The following TAFA4 variants were observed in gnomAD, a reference collection of about 807,000 sequenced individuals.
TAFA4 encodes TAFA chemokine like family member 4.
In TAFA4, 20 loss-of-function variants were observed where a neutral mutation model predicts 21.1. The ratio of observed to expected loss-of-function variants is 0.95; its 90% CI spans 0.67 to 1.38. TAFA4 has a LOEUF of 1.38. Among genes scored for constraint, TAFA4 ranks in the 40% most tolerant of loss-of-function variants. TAFA4 has a pLI of 0.00. For synonymous variants in TAFA4, 71 were observed against 67.4 expected (o/e 1.05, Z -0.26); for missense variants, 211 against 180.9 (o/e 1.17, Z -0.95).
chr3:68,780,242 C>T (rs571687425), intron 3 of TAFA4, among the ~76,000 whole-genome samples: 2 of 152,184 alleles, frequency 1.3e-5, no homozygotes, highest in African/African-American at 2.4e-5. Context: ...AAAGGACTTG[C>T]CTTGTCTCAG....
chr3:68,887,029 G>A (rs1247042885), intron 1 of TAFA4, among the ~76,000 whole-genome samples: 1 of 152,122 alleles, frequency 6.6e-6, no homozygotes, highest in East Asian at 1.9e-4. Flanking sequence ...AGTGTCCAGA[G>A]TTCCATCTAA....
intron 3 of TAFA4, among the ~76,000 whole-genome samples, chr3:68,766,614 G>T (rs916295391): frequency 6.6e-6 from 1 of 150,458 alleles, no homozygotes; most frequent in South Asian, 2.1e-4. Flanking sequence ...AAAGCAAACA[G>T]AAAATACTTA....
intron 3 of TAFA4, among the ~76,000 whole-genome samples, chr3:68,839,896 G>A (rs1704619421): frequency 6.6e-6 from 1 of 152,188 alleles, no homozygotes; most frequent in Admixed American, 6.5e-5. Context: ...AGGAAAATGG[G>A]AGAGACCCTT....
intron 3 of TAFA4, among the ~76,000 whole-genome samples, chr3:68,817,063 T>C (rs1304885200): frequency 1.3e-5 from 2 of 152,194 alleles, no homozygotes; most frequent in Non-Finnish European, 1.5e-5. Context: ...ATGAAAGATT[T>C]CTCTGTAGCA....
At chr3:68,923,974 C>A (rs149085338) in intron 1 of TAFA4, among the ~76,000 whole-genome samples, 136 of 152,318 alleles carry the variant, frequency 8.9e-4, no homozygotes, top group African/African-American at 3.2e-3. Context: ...TTGATTGTGT[C>A]TACCTTGTAG....
chr3:68,744,468 CA>C (rs1442507659), intron 4 of TAFA4, among the ~76,000 whole-genome samples: 1 of 152,170 alleles, frequency 6.6e-6, no homozygotes, highest in Non-Finnish European at 1.5e-5. Context: ...TTGAGAAGAA[CA>C]AACTCTAAAA....
At chr3:68,904,365 G>A (rs1362410383) in intron 1 of TAFA4, among the ~76,000 whole-genome samples, 1 of 152,206 alleles carries the variant, frequency 6.6e-6, no homozygotes, top group Non-Finnish European at 1.5e-5. Flanking sequence ...TCAGTAAACA[G>A]CTGTGAGAAA....
chr3:68,908,329 T>A (rs1294216254), intron 1 of TAFA4, among the ~76,000 whole-genome samples: 1 of 152,158 alleles, frequency 6.6e-6, no homozygotes, highest in East Asian at 1.9e-4. Flanking sequence ...GTCCTTCTCT[T>A]AACAACAGCT....
intron 1 of TAFA4, among the ~76,000 whole-genome samples, chr3:68,896,495 G>A (rs575225349): frequency 6.6e-6 from 1 of 152,182 alleles, no homozygotes; most frequent in Non-Finnish European, 1.5e-5. Context: ...ATGAATGCTT[G>A]AGTAAGTGAG....
rs1488441535 is a variant in TAFA4 at position 68,733,131 on chromosome 3, C to G, written c.*11G>C. ...CTGCCCCTCCAGGATTGAAGCACACCTCTCTCTTCGCTACCGCGTTACCTA... is the reference window on the plus strand; with the variant it reads ...CTGCCCCTCCAGGATTGAAGCACACGTCTCTCTTCGCTACCGCGTTACCTA... On this transcript the variant is annotated 3_prime_UTR_variant, in exon 6 of 6. Transcript: ENST00000295569. The G allele has an allele frequency of 1.2e-6, 2 of 1,613,052 alleles. No homozygotes were observed. The highest frequency in any genetic ancestry group is 2.2e-5 in the East Asian group (1 of 44,870).
At chr3:68,837,111 T>C (rs572186539) in intron 3 of TAFA4, among the ~76,000 whole-genome samples, 1 of 152,226 alleles carries the variant, frequency 6.6e-6, no homozygotes, top group East Asian at 1.9e-4. Flanking sequence ...AGTGGCAGAG[T>C]TGAATAATTG....
intron 1 of TAFA4, among the ~76,000 whole-genome samples, chr3:68,904,150 C>T (rs1402488128): frequency 6.6e-6 from 1 of 152,070 alleles, no homozygotes; most frequent in Non-Finnish European, 1.5e-5. Flanking sequence ...ATAATGTATT[C>T]CAACTTGCTA....
chr3:68,763,055 G>A (rs1314154813), intron 3 of TAFA4, among the ~76,000 whole-genome samples: 1 of 152,152 alleles, frequency 6.6e-6, no homozygotes, highest in African/African-American at 2.4e-5. Flanking sequence ...TTCTTTTTGA[G>A]ACACAGTGAT....
At chr3:68,780,942 G>C (rs976524004) in intron 3 of TAFA4, among the ~76,000 whole-genome samples, 1 of 151,058 alleles carries the variant, frequency 6.6e-6, no homozygotes, top group Admixed American at 6.6e-5. Context: ...ATACCTGGCA[G>C]GTTCTTTATC....
intron 3 of TAFA4, among the ~76,000 whole-genome samples, chr3:68,778,014 C>T (rs1264051362): frequency 6.6e-6 from 1 of 152,080 alleles, no homozygotes; most frequent in Non-Finnish European, 1.5e-5. Context: ...CATTGTTAAG[C>T]AACACATGAC....
intron 3 of TAFA4, among the ~76,000 whole-genome samples, chr3:68,790,161 A>G (rs1703335381): frequency 6.6e-6 from 1 of 150,608 alleles, no homozygotes; most frequent in African/African-American, 2.4e-5. Flanking sequence ...AGGAGGATAA[A>G]GAGATGTATA....
intron 3 of TAFA4, among the ~76,000 whole-genome samples, chr3:68,848,818 C>A (rs995602569): frequency 6.6e-6 from 1 of 152,114 alleles, no homozygotes; most frequent in African/African-American, 2.4e-5. Context: ...GGAGTGGGAA[C>A]ATGCACAGCT....
At chr3:68,743,349 G>A (rs1235961043) in intron 4 of TAFA4, among the ~76,000 whole-genome samples, 2 of 152,060 alleles carry the variant, frequency 1.3e-5, no homozygotes, top group Admixed American at 6.6e-5. Flanking sequence ...GCCTAGGTGG[G>A]CAGATCACTT....
intron 2 of TAFA4, among the ~76,000 whole-genome samples, chr3:68,881,309 T>G (rs530506839): frequency 6.6e-6 from 1 of 152,218 alleles, no homozygotes; most frequent in African/African-American, 2.4e-5. Context: ...TCTGGAAGAC[T>G]AGGTTCATAG....
Sources: gnomAD v4.1 joint callset for allele counts (sites outside exome capture counted in the v4.1 genomes callset) on GRCh38, gnomAD v4.1.1 for gene constraint, MANE v1.5 for transcripts, NCBI Gene and HGNC (gene_info 2026-07-23, HGNC 2026-07-21) for gene names.